Variants in RFX3 observed in about 807,000 individuals in gnomAD.
RFX3 encodes the protein regulatory factor X3.
RFX3 carries 14 observed loss-of-function variants against 98.6 expected under a neutral mutation model. That is an observed-to-expected ratio of 0.14 (90% CI 0.09 to 0.22). RFX3 has a LOEUF of 0.22. RFX3 is among the 10% of genes least tolerant of loss of function. The pLI is 1.00. For missense variants in RFX3, 639 were observed against 926.9 expected (o/e 0.69, Z 4.03); for synonymous variants, 383 against 328.4 (o/e 1.17, Z -1.80).
intron 1 of RFX3, among the ~76,000 whole-genome samples, chr9:3,459,354 TA>T (rs1221002453): frequency 6.6e-6 from 1 of 152,156 alleles, no homozygotes; most frequent in Non-Finnish European, 1.5e-5. Flanking sequence ...CTCATTCAGA[TA>T]AACAGGAAGA....
chr9:3,458,397 A>T (rs2099193550), intron 1 of RFX3, among the ~76,000 whole-genome samples: 1 of 152,200 alleles, frequency 6.6e-6, no homozygotes, highest in Admixed American at 6.5e-5. Flanking sequence ...ACAAATTTAA[A>T]ATACAGGCAC....
chr9:3,474,910 G>A (rs1224481699), intron 1 of RFX3, among the ~76,000 whole-genome samples: 3 of 151,964 alleles, frequency 2.0e-5, no homozygotes, highest in South Asian at 4.1e-4. Context: ...GACCAGCCTG[G>A]GCAACACAGG....
At chr9:3,326,074 A>G (rs1831881229) in intron 4 of RFX3, among the ~76,000 whole-genome samples, 1 of 152,130 alleles carries the variant, frequency 6.6e-6, no homozygotes. Flanking sequence ...ATGTTATAAC[A>G]TCTTTCTGAA....
intron 2 of RFX3, among the ~76,000 whole-genome samples, chr9:3,377,341 G>A (rs201659905): frequency 6.6e-6 from 1 of 152,028 alleles, no homozygotes; most frequent in Non-Finnish European, 1.5e-5. Context: ...AACTATCGCA[G>A]GGACAAAAAA....
chr9:3,288,360 G>C (rs1826912959), intron 6 of RFX3, 110 bp from the exon 7 acceptor site: 1 of 832,544 alleles, frequency 1.2e-6, no homozygotes, highest in Non-Finnish European at 1.9e-6. Flanking sequence ...AAAACAGTAA[G>C]TTAATGTTAC....
chr9:3,466,539 G>A (rs1170835170), intron 1 of RFX3, among the ~76,000 whole-genome samples: 3 of 152,114 alleles, frequency 2.0e-5, no homozygotes, highest in Non-Finnish European at 4.4e-5. Flanking sequence ...TGTGGCTTTT[G>A]CCAATTACTT....
intron 8 of RFX3, among the ~76,000 whole-genome samples, chr9:3,275,905 A>G (rs1563843875): frequency 1.3e-5 from 2 of 152,118 alleles, no homozygotes. Flanking sequence ...CAAGGCCCCT[A>G]TTAAAAGAAA....
chr9:3,383,860 C>T lies in RFX3; in HGVS notation c.117+11612G>A, dbSNP rs549193821. ...GAAGATATGTAAAACTTTCAACACA[C>T]ATTTTCAAAGAAAATAAAAAGGCAT... On this transcript the variant is annotated intron_variant, in intron 2 of 16. Coordinates refer to ENST00000617270, the MANE Select transcript of RFX3 (RefSeq NM_001282116.2). Among the ~76,000 whole-genome samples, 38 of 152,182 alleles carry T rather than the reference C, an allele frequency of 2.5e-4. No homozygotes were observed. The South Asian group carries it at 7.5e-3, about 30-fold the overall frequency.
chr9:3,458,280 T>C lies in RFX3; in HGVS notation c.-8-62684A>G, dbSNP rs201191994. 1.2e-4 allele frequency among the ~76,000 whole-genome samples: 19 copies of C among 152,314 alleles called. No homozygotes were observed. The East Asian group carries it at 3.7e-3, about 29-fold the overall frequency. On this transcript the variant is annotated intron_variant, in intron 1 of 16. Transcript: ENST00000617270. ...AGCAAGTGCTGTCTACAGAATACTA[T>C]GCAGCAGTTAGGAGTAGCAATCCAG... is the stretch of plus-strand genomic sequence containing the variant.
intron 1 of RFX3, among the ~76,000 whole-genome samples, chr9:3,439,545 A>G (rs765115633): frequency 2.0e-5 from 3 of 152,168 alleles, no homozygotes; most frequent in Non-Finnish European, 2.9e-5. Context: ...TTGAGAATTT[A>G]ATAGCAGAAG....
intron 1 of RFX3, among the ~76,000 whole-genome samples, chr9:3,518,709 T>C (rs1386119100): frequency 6.6e-6 from 1 of 152,166 alleles, no homozygotes. Flanking sequence ...AACTTGAAAA[T>C]GTTACTTAAA....
At chr9:3,275,999 ATG>A (rs1266871394) in intron 8 of RFX3, among the ~76,000 whole-genome samples, 1 of 152,154 alleles carries the variant, frequency 6.6e-6, no homozygotes, top group Non-Finnish European at 1.5e-5. Flanking sequence ...TAAACTCATT[ATG>A]TTCTTAACTG....
intron 1 of RFX3, among the ~76,000 whole-genome samples, chr9:3,512,020 G>A (rs926525007): frequency 5.9e-5 from 9 of 152,192 alleles, no homozygotes; most frequent in Admixed American, 1.3e-4. Flanking sequence ...ACTCTTACGT[G>A]ACTACTATGC....
intron 1 of RFX3, among the ~76,000 whole-genome samples, chr9:3,415,106 GTA>G (rs1157171981): frequency 2.5e-4 from 20 of 80,308 alleles, no homozygotes; most frequent in Middle Eastern, 7.8e-3. Flanking sequence ...TCATATATAA[GTA>G]TATATATATA....
intron 14 of RFX3, among the ~76,000 whole-genome samples, chr9:3,249,157 A>T (rs1821061230): frequency 6.6e-6 from 1 of 152,156 alleles, no homozygotes; most frequent in South Asian, 2.1e-4. Context: ...GTAAAAACTC[A>T]CCTATGCCTC....
intron 2 of RFX3, among the ~76,000 whole-genome samples, chr9:3,383,713 T>C (rs575827807): frequency 6.6e-6 from 1 of 152,298 alleles, no homozygotes; most frequent in South Asian, 2.1e-4. Flanking sequence ...CAGAGTCTTT[T>C]CAGAAATGGT....
chr9:3,250,226 T>G (rs1821206436), intron 14 of RFX3, among the ~76,000 whole-genome samples: 1 of 151,930 alleles, frequency 6.6e-6, no homozygotes, highest in South Asian at 2.1e-4. Flanking sequence ...AACAAAGACT[T>G]GAAATAAATG....
At chr9:3,358,192 C>A (rs1279361263) in intron 2 of RFX3, among the ~76,000 whole-genome samples, 1 of 152,022 alleles carries the variant, frequency 6.6e-6, no homozygotes, top group Non-Finnish European at 1.5e-5. Context: ...CTGTGAGGAT[C>A]CAAAGCAATT....
intron 1 of RFX3, among the ~76,000 whole-genome samples, chr9:3,482,740 TTAAAAA>T (rs983915823): frequency 8.3e-4 from 126 of 152,286 alleles, no homozygotes; most frequent in African/African-American, 3.0e-3. Context: ...AAAATGTCAC[TTAAAAA>T]TGAAAATGAA....
Sources: gnomAD v4.1 joint callset for allele counts (sites outside exome capture counted in the v4.1 genomes callset) on GRCh38, gnomAD v4.1.1 for gene constraint, MANE v1.5 for transcripts, NCBI Gene and HGNC (gene_info 2026-07-23, HGNC 2026-07-21) for gene names.